Variants in PTPRK observed in about 807,000 individuals in gnomAD.
PTPRK encodes receptor-type tyrosine-protein phosphatase kappa.
PTPRK carries 75 observed loss-of-function variants against 178.0 expected under a neutral mutation model. That is an observed-to-expected ratio of 0.42 (90% confidence interval 0.35 to 0.51). The LOEUF is 0.51. PTPRK is among the 20% of genes least tolerant of loss of function. PTPRK has a pLI of 0.02. For missense variants in PTPRK, 1,441 were observed against 1,797.8 expected, an observed-to-expected ratio of 0.80 and a Z score of 3.59; for synonymous variants, 637 against 620.6, an observed-to-expected ratio of 1.03 and a Z score of -0.39.
At chr6:128,160,330 A>G (rs893753247) in intron 7 of PTPRK, among the ~76,000 whole-genome samples, 15 of 151,776 alleles carry the variant, frequency 9.9e-5, no homozygotes, top group Non-Finnish European at 1.9e-4. Context: ...GTGGTATTAA[A>G]AATTTCATCA....
intron 17 of PTPRK, 92 bp from the exon 18 acceptor site, chr6:127,995,630 C>T: frequency 2.7e-6 from 2 of 748,558 alleles, no homozygotes; most frequent in Admixed American, 2.9e-5. Flanking sequence ...TCAGTGGTTG[C>T]CCATAGTCTA....
intron 25 of PTPRK, among the ~76,000 whole-genome samples, chr6:127,978,744 A>G (rs1774906980): frequency 6.6e-6 from 1 of 152,174 alleles, no homozygotes; most frequent in South Asian, 2.1e-4. Context: ...AGAGAGGAGA[A>G]GACTGAAGAC....
At chr6:128,264,227 C>T (rs1012155200) in intron 3 of PTPRK, among the ~76,000 whole-genome samples, 2 of 152,192 alleles carry the variant, frequency 1.3e-5, no homozygotes, top group Admixed American at 1.3e-4. Flanking sequence ...GAGTATTGTA[C>T]TAAGCACCCA....
intron 6 of PTPRK, among the ~76,000 whole-genome samples, chr6:128,200,371 AT>A (rs1475541728): frequency 3.3e-5 from 5 of 152,270 alleles, no homozygotes; most frequent in African/African-American, 1.2e-4. Context: ...ATGAAGAGAC[AT>A]TTAGATTACA....
At chr6:128,454,600 T>A (rs993381798) in intron 1 of PTPRK, among the ~76,000 whole-genome samples, 1 of 152,134 alleles carries the variant, frequency 6.6e-6, no homozygotes, top group Non-Finnish European at 1.5e-5. Context: ...TCCAAAACAT[T>A]TTCATCACCC....
intron 5 of PTPRK, among the ~76,000 whole-genome samples, chr6:128,221,307 G>A (rs897470219): frequency 2.0e-5 from 3 of 151,766 alleles, no homozygotes; most frequent in African/African-American, 4.8e-5. Context: ...GCTGGATCAC[G>A]AGGTCAGGAG....
chr6:128,511,349 G>C (rs747230516), intron 1 of PTPRK, among the ~76,000 whole-genome samples: 12 of 152,150 alleles, frequency 7.9e-5, no homozygotes, highest in Non-Finnish European at 1.5e-4. Flanking sequence ...CCTGGGCCAA[G>C]CCAATCAGCA....
At chr6:128,305,927 G>A (rs980915491) in intron 3 of PTPRK, among the ~76,000 whole-genome samples, 2 of 152,202 alleles carry the variant, frequency 1.3e-5, no homozygotes, top group Admixed American at 6.5e-5. Context: ...GAAGAAATAC[G>A]TGAGACTGGG....
rs1021939982 is a variant in PTPRK, at chr6:128,059,173, AT to A, written c.2194+5584del. Among the ~76,000 whole-genome samples, 12 of 152,090 alleles carry A rather than the reference AT, an allele frequency of 7.9e-5. No homozygotes were observed. In the East Asian group the frequency reaches 1.7e-3, roughly 22 times the overall value. ...TTTTGTCTTTAGAATCAGATTGTTA[AT>A]TTTTTTAACAAAATTGGGATTTTGA... On this transcript the variant is annotated intron_variant, in intron 13 of 29. Coordinates refer to ENST00000368226, the MANE Select transcript of PTPRK (RefSeq NM_002844.4).
intron 2 of PTPRK, among the ~76,000 whole-genome samples, chr6:128,332,378 T>C (rs1830388559): frequency 6.6e-6 from 1 of 152,232 alleles, no homozygotes; most frequent in Non-Finnish European, 1.5e-5. Flanking sequence ...ATCTATTTAC[T>C]TGTTTATCCT....
intron 13 of PTPRK, among the ~76,000 whole-genome samples, chr6:128,031,999 T>C (rs572068044): frequency 3.9e-5 from 6 of 152,190 alleles, no homozygotes; most frequent in Non-Finnish European, 5.9e-5. Flanking sequence ...TGGACCAGTG[T>C]ATTCGCAGTC....
At chr6:128,353,243 A>G (rs546423854) in intron 2 of PTPRK, among the ~76,000 whole-genome samples, 1 of 152,340 alleles carries the variant, frequency 6.6e-6, no homozygotes, top group South Asian at 2.1e-4. Flanking sequence ...GTGAAGATGG[A>G]TTACTCATAC....
intron 2 of PTPRK, among the ~76,000 whole-genome samples, chr6:128,338,112 C>T (rs1019996724): frequency 3.3e-5 from 5 of 152,102 alleles, no homozygotes; most frequent in African/African-American, 7.2e-5. Flanking sequence ...ATGAAGGTTG[C>T]TATCATAAGT....
chr6:128,189,794 A>C (rs1002217543), intron 6 of PTPRK, among the ~76,000 whole-genome samples: 1 of 152,144 alleles, frequency 6.6e-6, no homozygotes, highest in African/African-American at 2.4e-5. Context: ...ACAAATTCAC[A>C]GTGTTTCTCA....
At chr6:128,308,251 G>T (rs762479293) in intron 3 of PTPRK, among the ~76,000 whole-genome samples, 6 of 151,862 alleles carry the variant, frequency 4.0e-5, no homozygotes, top group Non-Finnish European at 8.8e-5. Flanking sequence ...GAAACAAAAT[G>T]ATGAACAAAA....
intron 3 of PTPRK, among the ~76,000 whole-genome samples, chr6:128,243,461 C>T (rs1300206007): frequency 7.6e-6 from 1 of 130,772 alleles, no homozygotes; most frequent in East Asian, 2.1e-4. Context: ...CAAGACCAGC[C>T]TAGGGAACAC....
chr6:128,305,168 A>G lies in PTPRK; in HGVS notation c.495+16871T>C, dbSNP rs150098883. ...TTTGAAGAATTCCCGTTTCAAAGTC[A>G]TCATTTTATTGGCTTATCACTGTCA... is the stretch of plus-strand genomic sequence containing the variant. On this transcript the variant is annotated intron_variant, in intron 3 of 29. Coordinates refer to ENST00000368226, the MANE Select transcript of PTPRK (RefSeq NM_002844.4). Among the ~76,000 whole-genome samples the G allele has an allele frequency of 2.5e-3, 381 of 152,358 alleles. 3 individuals are homozygous for G. The highest frequency in any genetic ancestry group is 8.3e-3 in the African/African-American group (347 of 41,592).
chr6:128,224,522 C>G lies in PTPRK; in HGVS notation c.694-5426G>C, dbSNP rs1810948895. Among the ~76,000 whole-genome samples the G allele has an allele frequency of 2.0e-5, 3 of 152,180 alleles. No homozygotes were observed. The South Asian group carries it at 6.2e-4, about 32-fold the overall frequency. ...GTGGTCTACAGACCAGTAGCATCAG[C>G]ATCAACTGGCAGATTGTTACAAATG... On this transcript the variant is annotated intron_variant, in intron 5 of 29. Coordinates refer to ENST00000368226, the MANE Select transcript of PTPRK (RefSeq NM_002844.4).
intron 13 of PTPRK, among the ~76,000 whole-genome samples, chr6:128,020,136 T>C (rs1271856567): frequency 6.6e-6 from 1 of 152,134 alleles, no homozygotes; most frequent in African/African-American, 2.4e-5. Flanking sequence ...TGGTTCACAT[T>C]TATGCCAAAG....
Sources: allele counts gnomAD v4.1 joint callset (sites outside exome capture counted in the v4.1 genomes callset), GRCh38; gene constraint gnomAD v4.1.1; transcripts MANE v1.5; gene names NCBI Gene and HGNC (gene_info 2026-07-23, HGNC 2026-07-21).